Variants in ASGR2 observed in about 807,000 individuals in gnomAD.
ASGR2 encodes the protein C-type lectin domain family 4 member H2.
A neutral mutation model predicts 32.3 loss-of-function variants in ASGR2; 34 were observed. The ratio of observed to expected loss-of-function variants is 1.05; its 90% CI spans 0.80 to 1.40. The LOEUF (loss-of-function observed/expected upper bound fraction) is 1.40, where lower values mean the gene tolerates loss of function less well. Among genes scored for constraint, ASGR2 ranks in the 40% most tolerant of loss-of-function variants. The pLI is 0.00. For missense variants in ASGR2, 385 were observed against 386.4 expected, an observed-to-expected ratio of 1.00 and a Z score of 0.03; for synonymous variants, 143 against 150.0, an observed-to-expected ratio of 0.95 and a Z score of 0.34.
chr17:7,109,069 G>T (rs764944092), intron 2 of ASGR2, among the ~76,000 whole-genome samples, 181 bp from the exon 3 acceptor site: 1 of 151,646 alleles, frequency 6.6e-6, no homozygotes, highest in East Asian at 1.9e-4. Flanking sequence ...TTACACACTC[G>T]CACCCATATT....
In ASGR2 at chr17:7,107,364, C is replaced by T; in HGVS notation, c.410-47G>A. 2 of 1,590,266 alleles carry T rather than the reference C, an allele frequency of 1.3e-6. No individual in the cohort carries two copies. Among genetic ancestry groups the T allele is most frequent in the Non-Finnish European group, 1.7e-6 (2 of 1,169,022 alleles). ...TGCTGCCGGCAGGTGTGGTCCCCAC[C>T]TGCTAGGCTCCAGCCTGTGGCTGGG... On this transcript the variant is annotated intron_variant, in intron 5 of 8. Transcript: ENST00000691900. The surrounding 1 kb of genome is among the most constrained non-coding windows in gnomAD (Gnocchi z 5.0).
chr17:7,113,739 G>C lies in ASGR2; in HGVS notation c.124+378C>G, dbSNP rs569569574. On this transcript the variant is annotated intron_variant, in intron 2 of 8. Transcript: ENST00000691900. The surrounding 1 kb of genome is among the most constrained non-coding windows in gnomAD (Gnocchi z 5.1). ...ACACAACATACCCTCTCACATACACGACATACACACACACAACATATGCAC... is the reference window on the plus strand; with the variant it reads ...ACACAACATACCCTCTCACATACACCACATACACACACACAACATATGCAC... 5.1e-5 allele frequency among the ~76,000 whole-genome samples: 6 copies of C among 118,656 alleles called. No individual in the cohort carries two copies. The highest frequency in any genetic ancestry group is 1.9e-4 in the African/African-American group (6 of 31,880). The allele number at this position is 118,656 out of a possible 152,430, so 77.8% of individuals were successfully genotyped here.
chr17:7,107,543 T>TGCGTACACACAC lies in ASGR2; in HGVS notation c.410-227_410-226insGTGTGTGTACGC, dbSNP rs1913936559. ...CACACCAAGAGACACACCACACACA[T>TGCGTACACACAC]CACATGCGTACACACACATATACCA... On this transcript the variant is annotated intron_variant, in intron 5 of 8. Transcript: ENST00000691900. This position sits in a 1 kb window ranked among gnomAD's most constrained non-coding sequence, Gnocchi z 5.0. The TGCGTACACACAC allele has an allele frequency of 3.2e-6, 2 of 621,474 alleles. No individual in the cohort carries two copies. Among genetic ancestry groups the TGCGTACACACAC allele is most frequent in the African/African-American group, 3.8e-5 (2 of 52,198 alleles). The allele number at this position is 621,474 out of a possible 1,614,324, so 38.5% of individuals were successfully genotyped here.
In ASGR2 at chr17:7,108,760, C is replaced by T. The variant is rs2304978; in HGVS notation, c.241+12G>A. 458,844 of 1,613,046 alleles carry T rather than the reference C, an allele frequency of 0.28. 67,951 individuals are homozygous for T. The highest frequency in any genetic ancestry group is 0.39 in the Admixed American group (23,433 of 59,912). On this transcript the variant is annotated intron_variant, in intron 3 of 8. Coordinates refer to ENST00000691900, the MANE Select transcript of ASGR2 (RefSeq NM_001201352.2). This position sits in a 1 kb window ranked among gnomAD's most constrained non-coding sequence, Gnocchi z 4.9. ...CCCCTTGCCCATCCCTGCTGGCCCC[C>T]GTGACCCTCACTTTGGGACCCAGTC...
Position 7,108,027 on chromosome 17 carries a change from A to C in ASGR2, c.338-120T>G. On this transcript the variant is annotated intron_variant, in intron 4 of 8. Transcript: ENST00000691900. The surrounding 1 kb of genome is among the most constrained non-coding windows in gnomAD (Gnocchi z 4.9). ...AGGCGTCCACCTCCTGGCTTCCTGG[A>C]CCACACCCAGGCTCCCTGCACTGCC... The C allele has an allele frequency of 9.0e-7, 1 of 1,106,066 alleles. No individual in the cohort carries two copies. Among genetic ancestry groups the C allele is most frequent in the Non-Finnish European group, 1.3e-6 (1 of 769,618 alleles). The allele number at this position is 1,106,066 out of a possible 1,614,324, so 68.5% of individuals were successfully genotyped here.
At chr17:7,104,723 T>C (rs1913393304) in intron 7 of ASGR2, among the ~76,000 whole-genome samples, 1 of 150,480 alleles carries the variant, frequency 6.6e-6, no homozygotes, top group African/African-American at 2.5e-5. Context: ...ACACCTGTAA[T>C]CCCAGCACTT....
intron 2 of ASGR2, among the ~76,000 whole-genome samples, chr17:7,112,630 TG>T (rs1914862574): frequency 6.6e-6 from 1 of 152,088 alleles, no homozygotes; most frequent in East Asian, 1.9e-4. Flanking sequence ...CACCGCCTGG[TG>T]GGAAGTCCAG....
In ASGR2 at chr17:7,107,730, C is replaced by T. The variant is rs1001193782; in HGVS notation, c.409+106G>A. On this transcript the variant is annotated intron_variant, in intron 5 of 8. Coordinates refer to ENST00000691900, the MANE Select transcript of ASGR2 (RefSeq NM_001201352.2). The surrounding 1 kb of genome is among the most constrained non-coding windows in gnomAD (Gnocchi z 5.0). The stretch of plus-strand genomic sequence containing the variant: ...ACACATGCTTGCAGGCACACACACG[C>T]ACGCACGCACACGTGCACACTACAC... 2.2e-6 allele frequency: 2 copies of T among 897,390 alleles called. No individual in the cohort carries two copies. Among genetic ancestry groups the T allele is most frequent in the Non-Finnish European group, 3.3e-6 (2 of 614,192 alleles). The allele number at this position is 897,390 out of a possible 1,614,324, so 55.6% of individuals were successfully genotyped here. A position where few individuals can be genotyped will look rare whatever the true frequency, so the allele number is the denominator to read the frequency against.
intron 2 of ASGR2, among the ~76,000 whole-genome samples, chr17:7,112,595 C>A (rs965972737): frequency 2.6e-5 from 4 of 152,156 alleles, no homozygotes; most frequent in Non-Finnish European, 5.9e-5. Flanking sequence ...GAGAGTGAGG[C>A]GGACAGGGCC....
At chr17:7,106,047 A>C (rs192147902) in intron 7 of ASGR2, among the ~76,000 whole-genome samples, 4,629 of 152,170 alleles carry the variant, frequency 0.03, 238 homozygotes, top group African/African-American at 0.1. Context: ...TCGGCCTCCC[A>C]AAGTGCTGGG....
Position 7,107,533 on chromosome 17 carries a change from A to G in ASGR2, c.410-216T>C. 1.6e-6 allele frequency: 1 copy of G among 640,182 alleles called. No homozygotes were observed. Among genetic ancestry groups the G allele is most frequent in the East Asian group, 2.8e-5 (1 of 36,222 alleles). 39.7% of individuals were successfully genotyped at this position (640,182 alleles called of 1,614,324 possible). A position where few individuals can be genotyped will look rare whatever the true frequency, so the allele number is the denominator to read the frequency against. On this transcript the variant is annotated intron_variant, in intron 5 of 8. Coordinates refer to ENST00000691900, the MANE Select transcript of ASGR2 (RefSeq NM_001201352.2). This position sits in a 1 kb window ranked among gnomAD's most constrained non-coding sequence, Gnocchi z 5.0. ...CACACACAAACACACCAAGAGACACACCACACACATCACATGCGTACACAC... is the reference window on the plus strand; with the variant it reads ...CACACACAAACACACCAAGAGACACGCCACACACATCACATGCGTACACAC...
intron 7 of ASGR2, among the ~76,000 whole-genome samples, chr17:7,105,321 ACACT>A (rs1289220405): frequency 2.6e-5 from 4 of 150,970 alleles, no homozygotes; most frequent in Admixed American, 2.0e-4. Flanking sequence ...TGTAAATGAG[ACACT>A]CACCTATTAA....
Position 7,114,106 on chromosome 17 carries a change from T to C in ASGR2, c.124+11A>G, listed in dbSNP as rs780346589. On this transcript the variant is annotated intron_variant, in intron 2 of 8. Coordinates refer to ENST00000691900, the MANE Select transcript of ASGR2 (RefSeq NM_001201352.2). This position sits in a 1 kb window ranked among gnomAD's most constrained non-coding sequence, Gnocchi z 4.5. ...AGAGGGGGAGCAAAGCCGCAGAAAC[T>C]GCACACTTGCCTTTCAAAAATGGAT... The C allele has an allele frequency of 4.3e-6, 7 of 1,614,128 alleles. No individual in the cohort carries two copies. The highest frequency in any genetic ancestry group is 5.1e-6 in the Non-Finnish European group (6 of 1,179,994).
chr17:7,113,494 C>CACACAACAT lies in ASGR2; in HGVS notation c.124+614_124+622dup, dbSNP rs1427796727. Among the ~76,000 whole-genome samples the CACACAACAT allele has an allele frequency of 6.6e-6, 1 of 150,770 alleles. No homozygotes were observed. The highest frequency in any genetic ancestry group is 1.5e-5 in the Non-Finnish European group (1 of 67,694). ...TCACACAATACACACACACAACACA[C>CACACAACAT]ACACAACATACACAACGTACACACA... On this transcript the variant is annotated intron_variant, in intron 2 of 8. Coordinates refer to ENST00000691900, the MANE Select transcript of ASGR2 (RefSeq NM_001201352.2). The surrounding 1 kb of genome is among the most constrained non-coding windows in gnomAD (Gnocchi z 5.1).
In ASGR2 at chr17:7,101,691, C is replaced by T. The variant is rs1184763298; in HGVS notation, c.805G>A (p.Gly269Arg). ...PDNWHGHELG[G>R]SEDCVEVQPD... ...TGGACTTCAACACAGTCTTCACTTC[C>T]ACCCAGCTCGTGCCCGTGCCAATTA... The change falls in exon 9 of 9, where the codon GGA becomes AGA. Residue 269 changes from glycine (G) to arginine (R), a missense_variant. Transcript: ENST00000691900. 20 of 1,614,138 alleles carry T rather than the reference C, an allele frequency of 1.2e-5. No individual in the cohort carries two copies. Among genetic ancestry groups the T allele is most frequent in the Non-Finnish European group, 1.6e-5 (19 of 1,180,062 alleles).
Position 7,109,010 on chromosome 17 carries a change from G to GC in ASGR2, c.125-123_125-122insG, listed in dbSNP as rs796360358. ...GGGGATTGGTTGGGGCCATGGGGGG[G>GC]GGTCATCATAGGCTTTGACCCCAGC... is the stretch of plus-strand genomic sequence containing the variant. On this transcript the variant is annotated intron_variant, in intron 2 of 8. Transcript: ENST00000691900. 233 of 854,498 alleles carry GC rather than the reference G, an allele frequency of 2.7e-4. 2 individuals carry two copies. In the African/African-American group the frequency reaches 3.6e-3, roughly 13 times the overall value. The allele number at this position is 854,498 out of a possible 1,614,324, so 52.9% of individuals were successfully genotyped here.
At chr17:7,105,551 C>T (rs2084868859) in intron 7 of ASGR2, among the ~76,000 whole-genome samples, 1 of 151,992 alleles carries the variant, frequency 6.6e-6, no homozygotes, top group South Asian at 2.1e-4. Flanking sequence ...TGGTGGTGTG[C>T]ACCTGTAGTC....
Position 7,101,838 on chromosome 17 carries a change from A to G in ASGR2, c.756-98T>C, listed in dbSNP as rs1358613944. ...ATGACCATTTTCCTTGAAGGCCGAG[A>G]GTGGAGCTGGGGTGTGCCCTGCTAC... is the stretch of plus-strand genomic sequence containing the variant. On this transcript the variant is annotated intron_variant, in intron 8 of 8. Coordinates refer to ENST00000691900, the MANE Select transcript of ASGR2 (RefSeq NM_001201352.2). The G allele has an allele frequency of 4.1e-6, 6 of 1,480,420 alleles. No homozygotes were observed. The Admixed American group carries it at 7.8e-5, about 19-fold the overall frequency. 91.7% of individuals were successfully genotyped at this position (1,480,420 alleles called of 1,614,324 possible).
rs746833229 is a variant in ASGR2 at position 7,107,742 on chromosome 17, C to T, written c.409+94G>A. 13 of 1,363,222 alleles carry T rather than the reference C, an allele frequency of 9.5e-6. No individual in the cohort carries two copies. In the African/African-American group the frequency reaches 1.6e-4, roughly 17 times the overall value. The allele number at this position is 1,363,222 out of a possible 1,614,324, so 84.4% of individuals were successfully genotyped here. A position where few individuals can be genotyped will look rare whatever the true frequency, so the allele number is the denominator to read the frequency against. ...AGGCACACACACGCACGCACGCACA[C>T]GTGCACACTACACACACCGCACACG... On this transcript the variant is annotated intron_variant, in intron 5 of 8. Coordinates refer to ENST00000691900, the MANE Select transcript of ASGR2 (RefSeq NM_001201352.2). This position sits in a 1 kb window ranked among gnomAD's most constrained non-coding sequence, Gnocchi z 5.0.
Sources: allele counts gnomAD v4.1 joint callset (sites outside exome capture counted in the v4.1 genomes callset), GRCh38; gene constraint gnomAD v4.1.1; non-coding constraint Gnocchi (gnomAD v3.1); transcripts MANE v1.5; gene names NCBI Gene and HGNC (gene_info 2026-07-23, HGNC 2026-07-21).